MED27: variants seen among roughly 807,000 people sequenced by gnomAD.
The protein encoded by MED27 is mediator complex subunit 27.
MED27 carries 30 observed loss-of-function variants against 38.2 expected under a neutral mutation model. That is an observed-to-expected ratio of 0.79 (90% CI 0.59 to 1.07). The LOEUF (loss-of-function observed/expected upper bound fraction) is 1.07, where lower values mean the gene tolerates loss of function less well. Ranked by LOEUF, MED27 falls within the 50% of genes least tolerant of loss-of-function variation. MED27 has a pLI of 0.00. For missense variants in MED27, 289 were observed against 397.5 expected (o/e 0.73, Z 2.32); for synonymous variants, 122 against 153.5 (o/e 0.79, Z 1.52).
chr9:131,966,820 C>T (rs561805953), intron 3 of MED27, among the ~76,000 whole-genome samples: 2 of 152,272 alleles, frequency 1.3e-5, no homozygotes, highest in South Asian at 2.1e-4. Context: ...ACAAAAAATA[C>T]CTAATAATAT....
chr9:131,931,291 A>G (rs762440379), intron 4 of MED27, among the ~76,000 whole-genome samples: 2 of 152,050 alleles, frequency 1.3e-5, no homozygotes, highest in Non-Finnish European at 2.9e-5. Flanking sequence ...TAAATAAAAC[A>G]ACAGATTATA....
chr9:132,028,510 A>T (rs548828355), intron 2 of MED27, among the ~76,000 whole-genome samples: 3,382 of 112,844 alleles, frequency 0.03, 61 homozygotes, highest in Non-Finnish European at 0.048. Flanking sequence ...CAAATAAATT[A>T]AAAAAAAAAA....
intron 3 of MED27, among the ~76,000 whole-genome samples, chr9:132,005,948 A>T (rs1429629245): frequency 6.6e-6 from 1 of 152,156 alleles, no homozygotes; most frequent in Non-Finnish European, 1.5e-5. Flanking sequence ...CTAGAATGCA[A>T]ACAATGTTTT....
chr9:131,978,238 G>A lies in MED27; in HGVS notation c.479+36099C>T, dbSNP rs150165304. Among the ~76,000 whole-genome samples, 21 of 152,072 alleles carry A rather than the reference G, an allele frequency of 1.4e-4. No individual in the cohort carries two copies. The South Asian group carries it at 3.3e-3, about 24-fold the overall frequency. ...TGGAAAACAACTTGGTGTCTTCAGC[G>A]ACAAAATTTCAGGGGGAAAAAAAGG... is the stretch of plus-strand genomic sequence containing the variant. On this transcript the variant is annotated intron_variant, in intron 3 of 7. Coordinates refer to ENST00000292035, the MANE Select transcript of MED27 (RefSeq NM_004269.4).
chr9:132,060,104 T>C (rs1331528946), intron 2 of MED27, among the ~76,000 whole-genome samples: 1 of 152,170 alleles, frequency 6.6e-6, no homozygotes, highest in Non-Finnish European at 1.5e-5. Flanking sequence ...GGTTTCAAGG[T>C]AGAAAAACAG....
At position 131,917,037 on chromosome 9, in the gene MED27, T is replaced by C. The variant is rs1318893878; in HGVS notation, c.573+22344A>G. Among the ~76,000 whole-genome samples, 1 of 152,096 alleles carries C rather than the reference T, an allele frequency of 6.6e-6. No individual in the cohort carries two copies. Among genetic ancestry groups the C allele is most frequent in the Non-Finnish European group, 1.5e-5 (1 of 68,008 alleles). ...GGGCAGCAGGTGGAGAAGGGTGCCA[T>C]AGGCAGAAATGCAGGTACAAAGCAT... On this transcript the variant is annotated intron_variant, in intron 4 of 7. Transcript: ENST00000292035. This position sits in a 1 kb window ranked among gnomAD's most constrained non-coding sequence, Gnocchi z 4.6.
chr9:132,040,483 AC>A (rs1833183497), intron 2 of MED27, among the ~76,000 whole-genome samples: 2 of 152,212 alleles, frequency 1.3e-5, no homozygotes, highest in Non-Finnish European at 2.9e-5. Context: ...CTGACGAGAG[AC>A]TGCCCGTACA....
At chr9:132,027,844 C>T (rs1337749246) in intron 2 of MED27, among the ~76,000 whole-genome samples, 1 of 152,148 alleles carries the variant, frequency 6.6e-6, no homozygotes. Context: ...GTTGTAAAAT[C>T]CAAAACACAT....
chr9:131,980,600 T>G (rs991528883), intron 3 of MED27, among the ~76,000 whole-genome samples: 2 of 152,208 alleles, frequency 1.3e-5, no homozygotes, highest in Admixed American at 6.5e-5. Context: ...CAGAAGACAG[T>G]TATGCTTCCC....
At chr9:132,060,336 A>C (rs1449267718) in intron 2 of MED27, among the ~76,000 whole-genome samples, 1 of 152,226 alleles carries the variant, frequency 6.6e-6, no homozygotes, top group Non-Finnish European at 1.5e-5. Flanking sequence ...AGCTGTAGAC[A>C]CAAGCTTGAC....
intron 3 of MED27, among the ~76,000 whole-genome samples, chr9:132,000,744 A>T (rs1038200135): frequency 2.4e-4 from 37 of 151,416 alleles, no homozygotes; most frequent in African/African-American, 9.0e-4. Context: ...GTCAGATTTT[A>T]AAAAAAAATT....
rs140836368 is a variant in MED27 at position 131,978,177 on chromosome 9, G to A, written c.479+36160C>T. Among the ~76,000 whole-genome samples the A allele has an allele frequency of 3.5e-3, 531 of 152,220 alleles. 2 individuals are homozygous for A. Among genetic ancestry groups the A allele is most frequent in the African/African-American group, 0.012 (499 of 41,538 alleles). On this transcript the variant is annotated intron_variant, in intron 3 of 7. Coordinates refer to ENST00000292035, the MANE Select transcript of MED27 (RefSeq NM_004269.4). ...GACCAAGCACAGACACATGTTTAAC[G>A]AAACCAAGGAGATGAAGTCAGCAAA...
chr9:131,960,765 A>C (rs752264506), intron 3 of MED27, among the ~76,000 whole-genome samples: 1 of 152,202 alleles, frequency 6.6e-6, no homozygotes, highest in Non-Finnish European at 1.5e-5. Flanking sequence ...CCTTAACAAC[A>C]AGGGGAGAGT....
At chr9:131,919,178 C>T (rs370925775) in intron 4 of MED27, among the ~76,000 whole-genome samples, 2 of 152,154 alleles carry the variant, frequency 1.3e-5, no homozygotes, top group Non-Finnish European at 2.9e-5. Context: ...CGTATTTACA[C>T]GGAACTTGAA....
chr9:132,049,835 A>C (rs1589289359), intron 2 of MED27, among the ~76,000 whole-genome samples: 2 of 152,196 alleles, frequency 1.3e-5, no homozygotes, highest in East Asian at 3.8e-4. Flanking sequence ...GAAACTGAAA[A>C]GACTGCCAAA....
At chr9:132,027,233 A>T (rs947655676) in intron 2 of MED27, among the ~76,000 whole-genome samples, 2 of 152,208 alleles carry the variant, frequency 1.3e-5, no homozygotes, top group African/African-American at 4.8e-5. Context: ...TGCTCTGGTT[A>T]CCCAGGTAGT....
At chr9:131,941,927 A>G (rs1011947036) in intron 3 of MED27, among the ~76,000 whole-genome samples, 1 of 141,776 alleles carries the variant, frequency 7.1e-6, no homozygotes, top group Non-Finnish European at 1.5e-5. Context: ...CCTGGTTCAC[A>G]CCATTCTCCT....
At chr9:132,021,105 T>G (rs1425522975) in intron 2 of MED27, among the ~76,000 whole-genome samples, 1 of 152,220 alleles carries the variant, frequency 6.6e-6, no homozygotes, top group Non-Finnish European at 1.5e-5. Flanking sequence ...TCCCTACATA[T>G]TAGTGCTCAA....
chr9:131,867,894 G>A (rs1347711946), intron 6 of MED27, among the ~76,000 whole-genome samples: 2 of 152,256 alleles, frequency 1.3e-5, no homozygotes, highest in African/African-American at 4.8e-5. Flanking sequence ...TGCCCACACT[G>A]CTGGTTAGGG....
Sources: gnomAD v4.1 joint callset for allele counts (sites outside exome capture counted in the v4.1 genomes callset) on GRCh38, gnomAD v4.1.1 for gene constraint, Gnocchi (gnomAD v3.1) non-coding constraint, MANE v1.5 for transcripts, NCBI Gene and HGNC (gene_info 2026-07-23, HGNC 2026-07-21) for gene names.